The following SLC30A7 variants were observed in gnomAD, a reference collection of about 807,000 sequenced individuals.
SLC30A7 encodes the protein solute carrier family 30 member 7.
Under a neutral mutation model 46.0 loss-of-function variants are expected in SLC30A7, and 35 were observed. That is an observed-to-expected ratio of 0.76 (90% CI 0.58 to 1.01). SLC30A7 has a LOEUF of 1.01. SLC30A7 is among the 50% of genes least tolerant of loss of function. SLC30A7 has a pLI of 0.00. For synonymous variants in SLC30A7, 147 were observed against 157.8 expected (o/e 0.93, Z 0.51); for missense variants, 464 against 451.1 (o/e 1.03, Z -0.26).
chr1:100,933,888 A>G (rs1467662899), intron 8 of SLC30A7, among the ~76,000 whole-genome samples: 2 of 152,204 alleles, frequency 1.3e-5, no homozygotes, highest in Admixed American at 6.5e-5. Context: ...GTTCAGTTCT[A>G]ATACTGTTTC....
intron 2 of SLC30A7, among the ~76,000 whole-genome samples, chr1:100,903,925 C>T (rs1419556460): frequency 1.3e-5 from 2 of 152,112 alleles, no homozygotes; most frequent in African/African-American, 4.8e-5. Flanking sequence ...TGCTTGGGAA[C>T]ACCAGGTATT....
At chr1:100,939,698 A>T (rs181981797) in intron 8 of SLC30A7, among the ~76,000 whole-genome samples, 1 of 151,614 alleles carries the variant, frequency 6.6e-6, no homozygotes, top group Non-Finnish European at 1.5e-5. Context: ...AAATACAAAA[A>T]ATTAGCTGGG....
chr1:100,955,983 T>G (rs1230733450), intron 8 of SLC30A7, among the ~76,000 whole-genome samples: 4 of 152,230 alleles, frequency 2.6e-5, no homozygotes, highest in Admixed American at 1.3e-4. Context: ...TTTGCTTTGG[T>G]GAAATGCTTG....
At chr1:100,983,211 C>CA (rs200782675), downstream of SLC30A7, among the ~76,000 whole-genome samples, 787 of 151,414 alleles carry the variant, frequency 5.2e-3, 6 homozygotes, top group East Asian at 0.038. Flanking sequence ...TAGTCTAGAG[C>CA]AAAAAAACAG....
chr1:100,914,327 G>T (rs545857990), intron 6 of SLC30A7, among the ~76,000 whole-genome samples: 15 of 152,136 alleles, frequency 9.9e-5, no homozygotes, highest in Non-Finnish European at 1.5e-4. Context: ...CTCATTAACC[G>T]TCCCCCTTTC....
the SLC30A7 span, among the ~76,000 whole-genome samples, chr1:100,989,077 T>C: frequency 3.3e-5 from 5 of 152,110 alleles, no homozygotes; most frequent in Non-Finnish European, 5.9e-5. Context: ...CCAACTGAAC[T>C]AGGATATAAG....
chr1:100,918,130 A>G lies in SLC30A7; in HGVS notation c.706+3A>G. The G allele has an allele frequency of 6.2e-7, 1 of 1,610,744 alleles. No individual in the cohort carries two copies. Among genetic ancestry groups the G allele is most frequent in the Non-Finnish European group, 8.5e-7 (1 of 1,177,662 alleles). ...ACCCAGCAGACAGATTTTACAAGGT[A>G]TGACAAGCAATTTTTATGTTTCTTA... On this transcript the variant is annotated splice_donor_region_variant and intron_variant, in intron 7 of 10. Transcript: ENST00000357650.
the SLC30A7 span, chr1:100,992,674 C>T: frequency 6.2e-7 from 1 of 1,613,934 alleles, no homozygotes; most frequent in South Asian, 1.1e-5. Flanking sequence ...TTTGAACAAT[C>T]TCCAGAAGCT....
the SLC30A7 span, chr1:100,992,651 C>T: frequency 5.5e-5 from 88 of 1,613,714 alleles, 1 homozygote; most frequent in East Asian, 1.5e-3. Context: ...TTCTTCTCCT[C>T]GTATTCTTTG....
At chr1:100,927,236 A>G (rs768149058) in intron 8 of SLC30A7, among the ~76,000 whole-genome samples, 44 of 152,306 alleles carry the variant, frequency 2.9e-4, no homozygotes, top group South Asian at 1.0e-3. Context: ...CCGAGTATTG[A>G]TAGAGGAGGG....
At chr1:100,913,611 A>ATATATTTT in intron 5 of SLC30A7, 52 bp from the exon 6 acceptor site, 1 of 1,381,158 alleles carries the variant, frequency 7.2e-7, no homozygotes, top group Non-Finnish European at 1.0e-6. Context: ...AATTGTAACC[A>ATATATTTT]TTTATATAAT....
At chr1:100,957,111 G>A (rs973061041) in intron 8 of SLC30A7, among the ~76,000 whole-genome samples, 4 of 152,142 alleles carry the variant, frequency 2.6e-5, no homozygotes, top group Admixed American at 2.6e-4. Flanking sequence ...ACTGAACTTG[G>A]AGTCTAACGA....
At chr1:100,927,998 G>T (rs766002945) in intron 8 of SLC30A7, among the ~76,000 whole-genome samples, 3 of 152,062 alleles carry the variant, frequency 2.0e-5, no homozygotes, top group Non-Finnish European at 4.4e-5. Context: ...GTGATTATAG[G>T]GGCAGAAGAT....
intron 8 of SLC30A7, among the ~76,000 whole-genome samples, chr1:100,946,576 A>G (rs1654651269): frequency 6.6e-6 from 1 of 151,954 alleles, no homozygotes; most frequent in African/African-American, 2.4e-5. Flanking sequence ...AGTTTATGTG[A>G]TGGATTACGT....
chr1:100,912,191 G>C lies in SLC30A7; in HGVS notation c.464G>C (p.Gly155Ala). The stretch of plus-strand genomic sequence containing the variant: ...CTTGGGTTTGTGGTAAACCTAATAG[G>C]AATATTTGTTTTCAAACATGGAGGT... The part of the protein sequence containing the change: ...SILGFVVNLI[G>A]IFVFKHGGHG... The change falls in exon 5 of 11, where the codon GGA becomes GCA. Residue 155 changes from glycine to alanine, a missense_variant. Gly to Ala is a moderately conservative substitution (Grantham distance 60). Coordinates refer to ENST00000357650, the MANE Select transcript of SLC30A7 (RefSeq NM_133496.5). 1 of 1,613,918 alleles carries C rather than the reference G, an allele frequency of 6.2e-7. No homozygotes were observed. The highest frequency in any genetic ancestry group is 8.5e-7 in the Non-Finnish European group (1 of 1,179,850).
At chr1:100,942,544 C>T (rs2101059030) in intron 8 of SLC30A7, among the ~76,000 whole-genome samples, 1 of 152,240 alleles carries the variant, frequency 6.6e-6, no homozygotes, top group South Asian at 2.1e-4. Context: ...AAGTGTTAAC[C>T]TGAAATAATC....
At chr1:100,970,082 C>T (rs140947789) in intron 10 of SLC30A7, among the ~76,000 whole-genome samples, 18 of 152,186 alleles carry the variant, frequency 1.2e-4, no homozygotes, top group African/African-American at 2.9e-4. Context: ...GCTCCCTTTT[C>T]GATCACATAG....
chr1:100,962,094 C>CT, intron 9 of SLC30A7, among the ~76,000 whole-genome samples, 176 bp downstream of exon 9: 1 of 152,260 alleles, frequency 6.6e-6, no homozygotes, highest in East Asian at 1.9e-4. Context: ...AAATATTGAA[C>CT]TTTACTAAAG....
intron 2 of SLC30A7, among the ~76,000 whole-genome samples, chr1:100,903,353 G>T (rs1025398888): frequency 6.6e-6 from 1 of 151,948 alleles, no homozygotes; most frequent in Non-Finnish European, 1.5e-5. Context: ...TTCTTCACAT[G>T]AGTCTTTCAT....
Sources: gnomAD v4.1 joint callset for allele counts (sites outside exome capture counted in the v4.1 genomes callset) on GRCh38, gnomAD v4.1.1 for gene constraint, MANE v1.5 for transcripts, NCBI Gene and HGNC (gene_info 2026-07-23, HGNC 2026-07-21) for gene names.